Variants in NCALD observed in about 807,000 individuals in gnomAD.
NCALD encodes neurocalcin delta, also known as neurocalcin-delta.
In NCALD, 10 loss-of-function variants were observed where a neutral mutation model predicts 18.6. That is an observed-to-expected ratio of 0.54 (90% confidence interval 0.33 to 0.91). NCALD has a LOEUF of 0.91. Among genes scored for constraint, NCALD ranks in the 40% least tolerant of loss-of-function variants. The probability of loss-of-function intolerance (pLI) is 0.03; values close to 1 mark genes in which losing one functional copy is unlikely to be tolerated. For synonymous variants in NCALD, 88 were observed against 87.4 expected, an observed-to-expected ratio of 1.01 and a Z score of -0.04; for missense variants, 184 against 247.6, an observed-to-expected ratio of 0.74 and a Z score of 1.72.
intron 2 of NCALD, among the ~76,000 whole-genome samples, chr8:101,966,147 G>A (rs1330311823): frequency 1.3e-5 from 2 of 150,842 alleles, no homozygotes; most frequent in Admixed American, 6.6e-5. Context: ...CAAAGTATCA[G>A]TAAAATAAAA....
At chr8:101,983,173 T>C (rs1820686093) in intron 2 of NCALD, among the ~76,000 whole-genome samples, 1 of 152,166 alleles carries the variant, frequency 6.6e-6, no homozygotes, top group South Asian at 2.1e-4. Context: ...TCATCTACCT[T>C]TGGGGTTCTG....
At chr8:102,026,845 A>G (rs1401888673) in intron 1 of NCALD, among the ~76,000 whole-genome samples, 3 of 152,128 alleles carry the variant, frequency 2.0e-5, no homozygotes, top group Non-Finnish European at 2.9e-5. Flanking sequence ...ATTTCCATAC[A>G]TCCTCTGAAA....
At chr8:101,990,283 A>G (rs144677420) in intron 2 of NCALD, among the ~76,000 whole-genome samples, 323 of 152,320 alleles carry the variant, frequency 2.1e-3, no homozygotes, top group African/African-American at 7.3e-3. Context: ...TATGGGCAAG[A>G]CCTAGGAGGT....
rs145096369 is a variant in NCALD at position 101,911,206 on chromosome 8, T to C, written c.-107+4603A>G. On this transcript the variant is annotated intron_variant, in intron 3 of 6. Coordinates refer to the NCALD transcript ENST00000311028. ...TACCCCTTGGCATAAGAGGAACCAG[T>C]AGCTACAGCCTAAGGCTTATTGTGA... is the stretch of plus-strand genomic sequence containing the variant. Among the ~76,000 whole-genome samples the C allele has an allele frequency of 9.4e-3, 1,409 of 150,004 alleles. 8 individuals are homozygous for C. The highest frequency in any genetic ancestry group is 0.014 in the Non-Finnish European group (919 of 67,624).
intron 2 of NCALD, among the ~76,000 whole-genome samples, chr8:101,710,937 A>G (rs761276742): frequency 1.6e-4 from 24 of 152,182 alleles, no homozygotes; most frequent in Admixed American, 3.3e-4. Flanking sequence ...TGCCTCCTCA[A>G]GTGGGTCCCT....
chr8:101,989,767 G>A (rs1820970735), intron 2 of NCALD, among the ~76,000 whole-genome samples: 2 of 152,148 alleles, frequency 1.3e-5, no homozygotes, highest in African/African-American at 2.4e-5. Flanking sequence ...CATCTGATTA[G>A]AGCTGTGGTA....
intron 1 of NCALD, among the ~76,000 whole-genome samples, chr8:102,116,279 C>CAAACAA (rs935322470): frequency 8.8e-6 from 1 of 113,566 alleles, no homozygotes; most frequent in Non-Finnish European, 2.1e-5. Flanking sequence ...AAAACAAAAA[C>CAAACAA]AAACAAAAAC....
chr8:102,012,906 T>C (rs1045149490), intron 2 of NCALD, among the ~76,000 whole-genome samples: 2 of 152,264 alleles, frequency 1.3e-5, no homozygotes, highest in African/African-American at 2.4e-5. Context: ...TGAGTAAACA[T>C]ATAAAGCAAC....
chr8:101,748,330 C>T (rs73699931), intron 1 of NCALD, among the ~76,000 whole-genome samples: 1 of 152,146 alleles, frequency 6.6e-6, no homozygotes, highest in East Asian at 1.9e-4. Flanking sequence ...TATTCACAAG[C>T]AAATTGTAGG....
intron 4 of NCALD, among the ~76,000 whole-genome samples, chr8:101,811,438 C>T (rs1172752519): frequency 6.6e-6 from 1 of 152,118 alleles, no homozygotes; most frequent in African/African-American, 2.4e-5. Context: ...CTGCCTACAC[C>T]TTAGCCCAGT....
intron 3 of NCALD, among the ~76,000 whole-genome samples, chr8:101,909,186 T>C (rs1015405108): frequency 1.3e-5 from 2 of 152,198 alleles, no homozygotes; most frequent in Admixed American, 6.5e-5. Flanking sequence ...TTCTATTTTA[T>C]AGAATGAGAT....
chr8:101,827,746 G>C (rs1813999108), intron 4 of NCALD, among the ~76,000 whole-genome samples: 1 of 152,194 alleles, frequency 6.6e-6, no homozygotes, highest in South Asian at 2.1e-4. Flanking sequence ...CTTAAAATTA[G>C]TCTCTATGAC....
chr8:101,836,319 A>C (rs1814411376), intron 4 of NCALD, among the ~76,000 whole-genome samples: 2 of 152,196 alleles, frequency 1.3e-5, no homozygotes. Context: ...TTTCAGAAAA[A>C]AGCTCAATGA....
At chr8:101,763,968 A>T (rs7462470) in intron 1 of NCALD, among the ~76,000 whole-genome samples, 2,879 of 16,916 alleles carry the variant, frequency 0.17, 115 homozygotes, top group African/African-American at 0.26. Flanking sequence ...CTCTCTCTCC[A>T]CACACACACA....
chr8:102,090,229 G>T (rs1162445892), intron 1 of NCALD, among the ~76,000 whole-genome samples: 1 of 152,170 alleles, frequency 6.6e-6, no homozygotes, highest in Non-Finnish European at 1.5e-5. Flanking sequence ...ATGACTTAGT[G>T]TATGTTATCA....
intron 1 of NCALD, among the ~76,000 whole-genome samples, chr8:101,773,795 T>A (rs1162390583): frequency 6.6e-6 from 1 of 152,194 alleles, no homozygotes; most frequent in East Asian, 1.9e-4. Context: ...GTACCTCCCA[T>A]TGAGGCTATT....
intron 1 of NCALD, among the ~76,000 whole-genome samples, chr8:101,751,744 C>T (rs1810669409): frequency 6.6e-6 from 1 of 152,172 alleles, no homozygotes; most frequent in Non-Finnish European, 1.5e-5. Flanking sequence ...AGTAGTCCTA[C>T]TGAAAAATAA....
intron 1 of NCALD, among the ~76,000 whole-genome samples, chr8:102,106,596 C>T (rs761847537): frequency 3.9e-4 from 59 of 152,212 alleles, no homozygotes; most frequent in Non-Finnish European, 7.5e-4. Context: ...GGGTCCTGCA[C>T]TGAACCTTCA....
intron 2 of NCALD, among the ~76,000 whole-genome samples, chr8:102,012,656 A>G (rs940192494): frequency 3.9e-5 from 6 of 152,216 alleles, no homozygotes; most frequent in Non-Finnish European, 7.3e-5. Flanking sequence ...TCTAATGATG[A>G]ATCATGCAGT....
Sources: gnomAD v4.1 joint callset for allele counts (sites outside exome capture counted in the v4.1 genomes callset) on GRCh38, gnomAD v4.1.1 for gene constraint, MANE v1.5 for transcripts, NCBI Gene and HGNC (gene_info 2026-07-23, HGNC 2026-07-21) for gene names.